DMD: variants seen among roughly 807,000 people sequenced by gnomAD.
DMD encodes dystrophin.
In DMD, 63 loss-of-function variants were observed where a neutral mutation model predicts 330.1. The ratio of observed to expected loss-of-function variants is 0.19; its 90% CI spans 0.16 to 0.24. DMD has a LOEUF of 0.24. Ranked by LOEUF, DMD falls within the 10% of genes least tolerant of loss-of-function variation. DMD has a pLI of 1.00. For synonymous variants in DMD, 1,223 were observed against 959.8 expected (o/e 1.27, Z -5.07); for missense variants, 3,344 against 2,684.1 (o/e 1.25, Z -5.43).
chrX:31,864,364 T>G (rs2093760328), intron 48 of DMD, among the ~76,000 whole-genome samples: 1 of 110,857 alleles, frequency 9.0e-6, no homozygotes, highest in Admixed American at 9.6e-5. Flanking sequence ...TTCTCAAGTT[T>G]ATCCTTTTCC....
At chrX:33,020,254 A>G in intron 1 of DMD, 54 bp from the exon 2 acceptor site, 1 of 866,653 alleles carries the variant, frequency 1.2e-6, no homozygotes, top group Non-Finnish European at 1.7e-6. Flanking sequence ...AATATAATTC[A>G]TATTTTACAA....
intron 57 of DMD, among the ~76,000 whole-genome samples, chrX:31,480,554 TTGTGTGTG>T (rs60621342): frequency 0.015 from 1,372 of 91,310 alleles, 20 homozygotes; most frequent in African/African-American, 0.047. Flanking sequence ...ATCTCCATGT[TTGTGTGTG>T]TGTGTGTGTG....
At chrX:32,296,118 G>A (rs529841595) in intron 42 of DMD, among the ~76,000 whole-genome samples, 6 of 112,351 alleles carry the variant, frequency 5.3e-5, no homozygotes, top group Middle Eastern at 4.6e-3. Flanking sequence ...GCAGCCGGGC[G>A]CGGTGGCTCA....
chrX:31,498,788 G>A (rs2070116595), intron 56 of DMD, among the ~76,000 whole-genome samples: 1 of 111,970 alleles, frequency 8.9e-6, no homozygotes, highest in African/African-American at 3.2e-5. Flanking sequence ...AAATTAAATT[G>A]TTCCAGACTC....
intron 2 of DMD, among the ~76,000 whole-genome samples, chrX:32,867,028 C>G (rs1347103414): frequency 9.0e-6 from 1 of 111,631 alleles, no homozygotes; most frequent in Non-Finnish European, 1.9e-5. Context: ...ACCACCGTAC[C>G]CGGCCAACTT....
At chrX:31,836,017 A>G (rs970683451) in intron 49 of DMD, among the ~76,000 whole-genome samples, 1 of 111,804 alleles carries the variant, frequency 8.9e-6, no homozygotes. Context: ...TATATTTAGC[A>G]CTGGACTCTC....
chrX:31,441,581 T>C (rs931775866), intron 60 of DMD, among the ~76,000 whole-genome samples: 1 of 111,805 alleles, frequency 8.9e-6, no homozygotes, highest in Non-Finnish European at 1.9e-5. Context: ...GATTTAAAGA[T>C]TGACATAGCA....
intron 29 of DMD, among the ~76,000 whole-genome samples, chrX:32,421,991 A>G (rs1322853300): frequency 9.0e-6 from 1 of 111,535 alleles, no homozygotes; most frequent in Non-Finnish European, 1.9e-5. Flanking sequence ...AATCTGCTGC[A>G]GTTTCCTAGA....
rs754771374 is a variant in DMD at position 32,573,737 on chromosome X, TG to T, written c.1704+7del. On this transcript the variant is annotated splice_region_variant and intron_variant, in intron 14 of 78. Coordinates refer to ENST00000357033, the MANE Select transcript of DMD (RefSeq NM_004006.3). ...TCTTTTACAGCTAGTTTCTCACACA[TG>T]ACACACCTGTTCTTCAGTAAGACGT... The T allele has an allele frequency of 5.0e-6, 6 of 1,207,127 alleles. No individual in the cohort carries two copies. Among genetic ancestry groups the T allele is most frequent in the Non-Finnish European group, 6.7e-6 (6 of 892,683 alleles).
At position 31,522,363 on chromosome X, in the gene DMD, C is replaced by CTCTATA; in HGVS notation, c.8218-14911_8218-14910insTATAGA. 1.3e-3 allele frequency among the ~76,000 whole-genome samples: 45 copies of CTCTATA among 35,964 alleles called. 1 individual carries two copies. The highest frequency in any genetic ancestry group is 5.3e-3 in the African/African-American group (28 of 5,288). 31.2% of individuals were successfully genotyped at this position (35,964 alleles called of 115,157 possible). A position where few individuals can be genotyped will look rare whatever the true frequency, so the allele number is the denominator to read the frequency against. On this transcript the variant is annotated intron_variant, in intron 55 of 78. Coordinates refer to ENST00000357033, the MANE Select transcript of DMD (RefSeq NM_004006.3). ...TCTCTCTCTCTCTCTCTCTCTCTCT[C>CTCTATA]TATATATATATATATATATATATAG...
chrX:31,154,398 T>C (rs745902098), intron 74 of DMD, among the ~76,000 whole-genome samples: 6 of 110,344 alleles, frequency 5.4e-5, no homozygotes, highest in African/African-American at 2.0e-4. Context: ...TGGGTTCACA[T>C]TCTCCTGCCT....
intron 63 of DMD, among the ~76,000 whole-genome samples, chrX:31,229,810 G>T (rs1203202655): frequency 1.8e-5 from 2 of 111,875 alleles, no homozygotes; most frequent in Non-Finnish European, 3.8e-5. Context: ...ATAATAATAT[G>T]TCTCCAATTT....
chrX:31,229,875 T>C (rs2047028775), intron 63 of DMD, among the ~76,000 whole-genome samples: 1 of 112,387 alleles, frequency 8.9e-6, no homozygotes, highest in African/African-American at 3.2e-5. Context: ...ACAAGTATTA[T>C]TCTTGCCAGC....
At chrX:33,070,999 A>G (rs981803228) in intron 1 of DMD, among the ~76,000 whole-genome samples, 34 of 110,598 alleles carry the variant, frequency 3.1e-4, no homozygotes, top group African/African-American at 1.0e-3. Flanking sequence ...CCCTTCCTAC[A>G]TACTCATTGC....
chrX:32,652,068 T>C (rs981463636), intron 9 of DMD, among the ~76,000 whole-genome samples: 5 of 111,647 alleles, frequency 4.5e-5, no homozygotes, highest in African/African-American at 1.6e-4. Context: ...CGTACACATA[T>C]GGGGTATTTT....
chrX:32,364,751 C>T, intron 35 of DMD, 41 bp from the exon 36 acceptor site: 1 of 1,177,035 alleles, frequency 8.5e-7, no homozygotes, highest in South Asian at 1.9e-5. Flanking sequence ...ATTGGTTAGA[C>T]AATATTCTTA....
intron 7 of DMD, among the ~76,000 whole-genome samples, chrX:32,700,193 T>C (rs1246580928): frequency 9.0e-6 from 1 of 111,574 alleles, no homozygotes; most frequent in African/African-American, 3.2e-5. Flanking sequence ...AACACATAAG[T>C]TCTGACTATG....
chrX:33,321,861 C>G (rs920447526), intron 1 of DMD, among the ~76,000 whole-genome samples: 1 of 111,738 alleles, frequency 8.9e-6, no homozygotes, highest in African/African-American at 3.2e-5. Flanking sequence ...GCTGCCTCAC[C>G]TTGCACTTTT....
intron 52 of DMD, among the ~76,000 whole-genome samples, chrX:31,688,623 G>C (rs1270879298): frequency 2.9e-4 from 32 of 111,578 alleles, no homozygotes; most frequent in Non-Finnish European, 5.3e-4. Context: ...ATTTTATGAG[G>C]CCAGCATCAT....
Sources: allele counts gnomAD v4.1 joint callset (sites outside exome capture counted in the v4.1 genomes callset), GRCh38; gene constraint gnomAD v4.1.1; transcripts MANE v1.5; gene names NCBI Gene and HGNC (gene_info 2026-07-23, HGNC 2026-07-21).